WBP1L: variants seen among roughly 807,000 people sequenced by gnomAD.
WBP1L encodes the protein WW domain binding protein 1-like.
Under a neutral mutation model 33.7 loss-of-function variants are expected in WBP1L, and 17 were observed. The ratio of observed to expected loss-of-function variants is 0.50; its 90% CI spans 0.34 to 0.76. The LOEUF (loss-of-function observed/expected upper bound fraction) is 0.76, where lower values mean the gene tolerates loss of function less well. Among genes scored for constraint, WBP1L ranks in the 30% least tolerant of loss-of-function variants. The pLI is 0.01. For missense variants in WBP1L, 389 were observed against 469.4 expected, an observed-to-expected ratio of 0.83 and a Z score of 1.58; for synonymous variants, 173 against 190.8, an observed-to-expected ratio of 0.91 and a Z score of 0.77.
chr10:102,782,974 G>GCA (rs1334879104), intron 1 of WBP1L, among the ~76,000 whole-genome samples: 4 of 152,154 alleles, frequency 2.6e-5, no homozygotes, highest in African/African-American at 9.7e-5. Flanking sequence ...CAACTGTGAT[G>GCA]CACGGTCTCG....
At chr10:102,787,011 T>A (rs1388204707) in intron 1 of WBP1L, among the ~76,000 whole-genome samples, 1 of 152,202 alleles carries the variant, frequency 6.6e-6, no homozygotes, top group African/African-American at 2.4e-5. Context: ...CTGAACCTTA[T>A]CAGAAGATTT....
rs183274820 is a variant in WBP1L, at chr10:102,783,180, C to T, written c.91-14813C>T. 3.9e-5 allele frequency among the ~76,000 whole-genome samples: 6 copies of T among 152,274 alleles called. No homozygotes were observed. In the South Asian group the frequency reaches 8.3e-4, roughly 21 times the overall value. ...CAAATAGAACATACAGTCATTCCTG[C>T]GTCTCTGTGTAAGGTTCCAGATTCA... On this transcript the variant is annotated intron_variant, in intron 1 of 3. Transcript: ENST00000448841.
At chr10:102,778,136 C>T (rs1185832172) in intron 1 of WBP1L, among the ~76,000 whole-genome samples, 1 of 152,208 alleles carries the variant, frequency 6.6e-6, no homozygotes, top group African/African-American at 2.4e-5. Flanking sequence ...TGTATGTGAA[C>T]GTTAGCACCT....
chr10:102,808,491 G>A (rs1366250140), intron 2 of WBP1L, among the ~76,000 whole-genome samples: 2 of 152,116 alleles, frequency 1.3e-5, no homozygotes, highest in Admixed American at 1.3e-4. Flanking sequence ...AAAGAGCTGT[G>A]GGGCTTGGCC....
intron 1 of WBP1L, among the ~76,000 whole-genome samples, chr10:102,787,340 C>T (rs1312185317): frequency 6.6e-6 from 1 of 152,186 alleles, no homozygotes; most frequent in East Asian, 1.9e-4. Context: ...GAAATCCCAG[C>T]ACTGTTGGAG....
intron 1 of WBP1L, among the ~76,000 whole-genome samples, chr10:102,745,544 G>A (rs964238807): frequency 3.9e-5 from 6 of 152,086 alleles, no homozygotes; most frequent in African/African-American, 1.4e-4. Context: ...TTATATAAAC[G>A]GGATCCTACA....
In WBP1L at chr10:102,754,489, C is replaced by A. The variant is rs796130116; in HGVS notation, c.90+10346C>A. ...TCTCAGCTCACTGCAACCTCCGCCT[C>A]CCAGGTTCAAGCGATTCTCCTGCCT... On this transcript the variant is annotated intron_variant, in intron 1 of 3. Transcript: ENST00000448841. Among the ~76,000 whole-genome samples, 58 of 152,298 alleles carry A rather than the reference C, an allele frequency of 3.8e-4. 1 individual carries two copies. Among genetic ancestry groups the A allele is most frequent in the African/African-American group, 1.3e-3 (53 of 41,568 alleles).
intron 1 of WBP1L, among the ~76,000 whole-genome samples, chr10:102,761,771 A>T (rs1843044995): frequency 1.3e-5 from 2 of 151,418 alleles, no homozygotes; most frequent in Non-Finnish European, 1.5e-5. Context: ...CTTGTCTCGA[A>T]CTCCAGATTT....
At chr10:102,776,148 G>T (rs889582974) in intron 1 of WBP1L, 1 of 1,400,156 alleles carries the variant, frequency 7.1e-7, no homozygotes, top group Non-Finnish European at 9.3e-7. Flanking sequence ...GCTTTGCTGC[G>T]TCTGAGATAT....
intron 1 of WBP1L, 112 bp downstream of exon 1, chr10:102,744,255 G>T: frequency 1.5e-6 from 2 of 1,293,400 alleles, no homozygotes; most frequent in Non-Finnish European, 1.0e-6. Context: ...CGAGAGGGGC[G>T]TCTATGCCTG....
In WBP1L at chr10:102,759,393, A is replaced by G. The variant is rs150994259; in HGVS notation, c.90+15250A>G. On this transcript the variant is annotated intron_variant, in intron 1 of 3. Coordinates refer to ENST00000448841, the MANE Select transcript of WBP1L (RefSeq NM_001083913.2). ...AAAGCTAATGATTAATAATGTTTATAATAATGATTGATAATTGTCCATGAT... is the reference window on the plus strand; with the variant it reads ...AAAGCTAATGATTAATAATGTTTATGATAATGATTGATAATTGTCCATGAT... Among the ~76,000 whole-genome samples, 4 of 152,328 alleles carry G rather than the reference A, an allele frequency of 2.6e-5. No homozygotes were observed. The East Asian group carries it at 7.7e-4, about 29-fold the overall frequency.
At chr10:102,756,518 C>T (rs962092308) in intron 1 of WBP1L, among the ~76,000 whole-genome samples, 1 of 152,098 alleles carries the variant, frequency 6.6e-6, no homozygotes, top group Admixed American at 6.6e-5. Context: ...AGATACTCCT[C>T]TGATTTCTTA....
intron 1 of WBP1L, among the ~76,000 whole-genome samples, chr10:102,792,068 G>A (rs1843507643): frequency 6.6e-6 from 1 of 152,208 alleles, no homozygotes; most frequent in Admixed American, 6.5e-5. Context: ...TTTTGCATAT[G>A]TGCAAAAGGC....
chr10:102,808,242 A>G (rs79010272), intron 2 of WBP1L, among the ~76,000 whole-genome samples: 3 of 152,232 alleles, frequency 2.0e-5, no homozygotes, highest in Non-Finnish European at 2.9e-5. Flanking sequence ...TCAAAAGAAG[A>G]AAATTTAAAT....
chr10:102,780,689 T>C (rs549955023), intron 1 of WBP1L, among the ~76,000 whole-genome samples: 151 of 152,272 alleles, frequency 9.9e-4, no homozygotes, highest in African/African-American at 3.4e-3. Context: ...ATTCTGCAGG[T>C]GGTAGCAAAT....
chr10:102,787,805 C>T (rs777923930), intron 1 of WBP1L, among the ~76,000 whole-genome samples: 12 of 151,880 alleles, frequency 7.9e-5, no homozygotes, highest in South Asian at 2.1e-4. Context: ...TGGTCAGGCA[C>T]GGTGGCTCAC....
intron 1 of WBP1L, among the ~76,000 whole-genome samples, chr10:102,763,445 G>A (rs969549593): frequency 6.6e-6 from 1 of 152,126 alleles, no homozygotes; most frequent in African/African-American, 2.4e-5. Flanking sequence ...TGGCTGGCCT[G>A]GGAGGGGTCT....
chr10:102,758,586 A>G (rs1373727179), intron 1 of WBP1L, among the ~76,000 whole-genome samples: 1 of 152,184 alleles, frequency 6.6e-6, no homozygotes, highest in African/African-American at 2.4e-5. Flanking sequence ...GTCCAGCCCT[A>G]TGGGGCTTAG....
At chr10:102,750,386 C>A (rs978549393) in intron 1 of WBP1L, among the ~76,000 whole-genome samples, 6 of 151,556 alleles carry the variant, frequency 4.0e-5, no homozygotes, top group Admixed American at 2.6e-4. Flanking sequence ...TAGAGTGAGA[C>A]CCTGTCTCAA....
Sources: gnomAD v4.1 joint callset for allele counts (sites outside exome capture counted in the v4.1 genomes callset) on GRCh38, gnomAD v4.1.1 for gene constraint, MANE v1.5 for transcripts, NCBI Gene and HGNC (gene_info 2026-07-23, HGNC 2026-07-21) for gene names.